The following DIAPH3 variants were observed in gnomAD, a reference collection of about 807,000 sequenced individuals.
DIAPH3 encodes the protein diaphanous related formin 3, also known as protein diaphanous homolog 3.
In DIAPH3, 117 loss-of-function variants were observed where a neutral mutation model predicts 144.3. That is an observed-to-expected ratio of 0.81 (90% confidence interval 0.70 to 0.95). The LOEUF (loss-of-function observed/expected upper bound fraction) is 0.95. Among genes scored for constraint, DIAPH3 ranks in the 40% least tolerant of loss-of-function variants. The probability of loss-of-function intolerance (pLI) is 0.00; values close to 1 mark genes in which losing one functional copy is unlikely to be tolerated. For synonymous variants in DIAPH3, 519 were observed against 488.9 expected (o/e 1.06, Z -0.81); for missense variants, 1,421 against 1,412.7 (o/e 1.01, Z -0.09).
intron 9 of DIAPH3, among the ~76,000 whole-genome samples, chr13:59,995,900 G>A (rs1002264919): frequency 1.6e-4 from 24 of 151,958 alleles, no homozygotes; most frequent in Admixed American, 1.4e-3. Flanking sequence ...GGAAAAAGGA[G>A]GTGTCAGAAC....
chr13:59,974,665 G>T (rs1387051497), intron 14 of DIAPH3, among the ~76,000 whole-genome samples: 3 of 151,550 alleles, frequency 2.0e-5, no homozygotes, highest in African/African-American at 4.8e-5. Context: ...TTCACAAGGG[G>T]GCAGAAAAAA....
intron 5 of DIAPH3, among the ~76,000 whole-genome samples, chr13:60,029,144 CT>C (rs1249636033): frequency 7.7e-6 from 1 of 129,370 alleles, no homozygotes; most frequent in East Asian, 2.1e-4. Flanking sequence ...GCACTACTAT[CT>C]GCCTATTTGC....
chr13:60,134,418 A>C (rs542145461), intron 1 of DIAPH3, among the ~76,000 whole-genome samples: 2 of 152,304 alleles, frequency 1.3e-5, no homozygotes, highest in South Asian at 4.1e-4. Context: ...CGGGATGTAA[A>C]GTATGTAAGG....
At position 60,093,731 on chromosome 13, in the gene DIAPH3, TC is replaced by T; in HGVS notation, c.391del (p.Glu131LysfsTer3). On this transcript the variant is annotated frameshift_variant and splice_region_variant, in exon 4 of 28. Transcript: ENST00000400324. LOFTEE classifies it high-confidence loss of function. ...TTTATCTTCATTTAAATTCATATCT[TC>T]CTGGAAAACACAATTAAAATGCCTC... ...ELLELFEKMM[E>X]DMNLNEDKKA... 1 of 1,603,664 alleles carries T rather than the reference TC, an allele frequency of 6.2e-7. No individual in the cohort carries two copies. The highest frequency in any genetic ancestry group is 8.5e-7 in the Non-Finnish European group (1 of 1,171,444).
intron 1 of DIAPH3, among the ~76,000 whole-genome samples, chr13:60,163,276 C>T (rs1254918751): frequency 1.3e-5 from 2 of 152,030 alleles, no homozygotes; most frequent in African/African-American, 2.4e-5. Context: ...TATCTTATAC[C>T]CTCTTACACT....
At chr13:59,845,682 C>T (rs575871904) in intron 22 of DIAPH3, among the ~76,000 whole-genome samples, 3 of 152,194 alleles carry the variant, frequency 2.0e-5, no homozygotes, top group Non-Finnish European at 4.4e-5. Context: ...GTGCACTTCA[C>T]CCCTGGGTCA....
intron 24 of DIAPH3, among the ~76,000 whole-genome samples, chr13:59,826,439 A>C (rs1358064462): frequency 6.6e-6 from 1 of 150,928 alleles, no homozygotes; most frequent in African/African-American, 2.4e-5. Flanking sequence ...CAATTGCTTC[A>C]AAGAGAATAA....
In DIAPH3 at chr13:59,690,434, G is replaced by C. The variant is rs187095821; in HGVS notation, c.3320-23588C>G. ...TCACTAGATCATATTACATTTGCTG[G>C]TTGGTATAATTTGCCCTAGACTGCA... On this transcript the variant is annotated intron_variant, in intron 27 of 27. Transcript: ENST00000400324. Among the ~76,000 whole-genome samples, 32 of 152,254 alleles carry C rather than the reference G, an allele frequency of 2.1e-4. 1 individual carries two copies. Among genetic ancestry groups the C allele is most frequent in the Admixed American group, 1.8e-3 (28 of 15,280 alleles).
intron 27 of DIAPH3, among the ~76,000 whole-genome samples, chr13:59,750,970 T>C (rs2036978032): frequency 6.6e-6 from 1 of 152,236 alleles, no homozygotes; most frequent in Admixed American, 6.5e-5. Context: ...TCTGCCCACA[T>C]AGTGGCACTG....
At chr13:60,142,627 T>C (rs1017971483) in intron 1 of DIAPH3, among the ~76,000 whole-genome samples, 7 of 152,174 alleles carry the variant, frequency 4.6e-5, no homozygotes, top group African/African-American at 1.4e-4. Flanking sequence ...GGGACCCTTG[T>C]AGACAGCCCA....
chr13:59,904,225 T>C (rs1025492635), intron 20 of DIAPH3, among the ~76,000 whole-genome samples: 2 of 152,094 alleles, frequency 1.3e-5, no homozygotes, highest in African/African-American at 2.4e-5. Context: ...AAGGGGAATG[T>C]TAGGAACTGC....
intron 25 of DIAPH3, among the ~76,000 whole-genome samples, chr13:59,803,401 A>G (rs1330386444): frequency 6.6e-6 from 1 of 152,200 alleles, no homozygotes; most frequent in African/African-American, 2.4e-5. Flanking sequence ...CAGAGAAGTT[A>G]AACAACAAAA....
At chr13:59,930,138 T>C (rs990694263) in intron 17 of DIAPH3, among the ~76,000 whole-genome samples, 1 of 152,148 alleles carries the variant, frequency 6.6e-6, no homozygotes, top group Non-Finnish European at 1.5e-5. Context: ...GTGTAGAAAC[T>C]TTGCCTAATT....
chr13:59,811,314 T>C (rs1050036783), intron 24 of DIAPH3, among the ~76,000 whole-genome samples: 1 of 152,096 alleles, frequency 6.6e-6, no homozygotes, highest in Non-Finnish European at 1.5e-5. Context: ...GCAAAGCAAA[T>C]TATCAAGTAC....
chr13:59,958,358 TAAAAC>T (rs2049528612), intron 17 of DIAPH3, among the ~76,000 whole-genome samples: 1 of 152,102 alleles, frequency 6.6e-6, no homozygotes, highest in African/African-American at 2.4e-5. Flanking sequence ...TGAAACATCA[TAAAAC>T]AAGAGTAACA....
intron 15 of DIAPH3, among the ~76,000 whole-genome samples, chr13:59,972,523 T>A (rs2140593949): frequency 6.6e-6 from 1 of 152,180 alleles, no homozygotes; most frequent in East Asian, 1.9e-4. Context: ...AAGCTCGAAA[T>A]CAATGACGTC....
At chr13:59,878,875 C>A (rs190158335) in intron 21 of DIAPH3, among the ~76,000 whole-genome samples, 1 of 152,072 alleles carries the variant, frequency 6.6e-6, no homozygotes, top group East Asian at 1.9e-4. Flanking sequence ...TAATGGCAAT[C>A]CTAAGCAATA....
At chr13:59,728,946 TGA>T (rs1298332749) in intron 27 of DIAPH3, among the ~76,000 whole-genome samples, 1 of 151,862 alleles carries the variant, frequency 6.6e-6, no homozygotes, top group East Asian at 1.9e-4. Flanking sequence ...ATCAGTCTCT[TGA>T]GAGGACAGCT....
At chr13:59,696,216 G>T (rs753580202) in intron 27 of DIAPH3, 4 of 152,192 alleles carry the variant, frequency 2.6e-5, no homozygotes, top group Non-Finnish European at 5.9e-5. Context: ...AAAATGGCAT[G>T]TTACTGAAAT....
Sources: allele counts gnomAD v4.1 joint callset (sites outside exome capture counted in the v4.1 genomes callset), GRCh38; gene constraint gnomAD v4.1.1; transcripts MANE v1.5; gene names NCBI Gene and HGNC (gene_info 2026-07-23, HGNC 2026-07-21).